The following WDFY4 variants were observed in gnomAD, a reference collection of about 807,000 sequenced individuals.
The protein encoded by WDFY4 is WDFY family member 4.
A neutral mutation model predicts 351.9 loss-of-function variants in WDFY4; 169 were observed. That is an observed-to-expected ratio of 0.48 (90% CI 0.42 to 0.55). The LOEUF (loss-of-function observed/expected upper bound fraction) is 0.55, where lower values mean the gene tolerates loss of function less well. WDFY4 is among the 20% of genes least tolerant of loss of function. The probability of loss-of-function intolerance (pLI) is 0.00; values close to 1 mark genes in which losing one functional copy is unlikely to be tolerated. For missense variants in WDFY4, 3,803 were observed against 3,935.6 expected (o/e 0.97, Z 0.90); for synonymous variants, 1,622 against 1,574.6 (o/e 1.03, Z -0.71).
chr10:48,913,102 G>C (rs116109383), intron 47 of WDFY4, among the ~76,000 whole-genome samples: 2 of 152,226 alleles, frequency 1.3e-5, no homozygotes, highest in Non-Finnish European at 2.9e-5. Flanking sequence ...AGACAAGAGA[G>C]ATCTGGGGGC....
intron 28 of WDFY4, among the ~76,000 whole-genome samples, chr10:48,809,046 G>A (rs927027161): frequency 6.6e-6 from 1 of 152,214 alleles, no homozygotes; most frequent in South Asian, 2.1e-4. Context: ...AAGATGAAAT[G>A]AATTAATATA....
In WDFY4 at chr10:48,957,270, G is replaced by A. The variant is rs201559690; in HGVS notation, c.8119G>A (p.Gly2707Arg). The change falls in exon 52 of 62, where the codon GGG (glycine) becomes AGG (arginine). Residue 2707 changes from glycine to arginine, a missense_variant. By Grantham distance (125) the Gly-to-Arg change is moderately radical. Coordinates refer to ENST00000325239, the MANE Select transcript of WDFY4 (RefSeq NM_001394531.1). Reference protein sequence around the residue: ...YLPEFLTNCNGVEFGCMQDGT... With the variant: ...YLPEFLTNCNRVEFGCMQDGT... ...GCCTGAGTTCTTAACCAACTGCAAC[G>A]GGGTAGAGTTCGGTAAGTGGAGGCC... 758 of 1,551,194 alleles carry A rather than the reference G, an allele frequency of 4.9e-4. 2 individuals carry two copies. The highest frequency in any genetic ancestry group is 6.7e-4 in the Middle Eastern group (4 of 5,988).
intron 11 of WDFY4, among the ~76,000 whole-genome samples, chr10:48,741,612 T>A (rs2064853360): frequency 6.6e-6 from 1 of 152,146 alleles, no homozygotes; most frequent in Non-Finnish European, 1.5e-5. Context: ...TTTCTCTTTT[T>A]CACTAACTTC....
At chr10:48,764,126 C>G (rs894894315) in intron 13 of WDFY4, among the ~76,000 whole-genome samples, 2 of 152,224 alleles carry the variant, frequency 1.3e-5, no homozygotes, top group South Asian at 4.1e-4. Context: ...CTTGCTCTCT[C>G]TCCTCTATGG....
intron 9 of WDFY4, among the ~76,000 whole-genome samples, chr10:48,731,821 C>T (rs547530747): frequency 1.1e-3 from 173 of 152,288 alleles, no homozygotes; most frequent in Middle Eastern, 6.8e-3. Context: ...TTGTCCTAGA[C>T]ATTGTGTGGG....
chr10:48,808,199 T>A (rs1385282281), intron 28 of WDFY4, among the ~76,000 whole-genome samples: 1 of 152,192 alleles, frequency 6.6e-6, no homozygotes, highest in Non-Finnish European at 1.5e-5. Flanking sequence ...ATAATTACAA[T>A]AAACTCCTTT....
At chr10:48,783,627 C>T (rs192035300) in intron 19 of WDFY4, among the ~76,000 whole-genome samples, 6 of 152,200 alleles carry the variant, frequency 3.9e-5, no homozygotes, top group African/African-American at 1.4e-4. Context: ...TAGCTACCCT[C>T]CTACTACTTT....
chr10:48,928,276 G>A (rs563278608), intron 47 of WDFY4, among the ~76,000 whole-genome samples: 5 of 151,928 alleles, frequency 3.3e-5, no homozygotes, highest in African/African-American at 4.8e-5. Context: ...CTGAACTCCT[G>A]TAAAGAGGAT....
intron 23 of WDFY4, among the ~76,000 whole-genome samples, chr10:48,793,267 C>T (rs1237766514): frequency 6.6e-6 from 1 of 152,202 alleles, no homozygotes; most frequent in Non-Finnish European, 1.5e-5. Flanking sequence ...GAGAGTCTCT[C>T]AGATACCTCC....
intron 11 of WDFY4, among the ~76,000 whole-genome samples, chr10:48,742,693 C>T (rs1319337348): frequency 6.6e-6 from 1 of 152,144 alleles, no homozygotes; most frequent in Non-Finnish European, 1.5e-5. Context: ...GTATGAGCTA[C>T]AGGACAGAAG....
At chr10:48,844,453 G>A (rs2068710978) in intron 39 of WDFY4, among the ~76,000 whole-genome samples, 2 of 152,176 alleles carry the variant, frequency 1.3e-5, no homozygotes, top group African/African-American at 4.8e-5. Context: ...GTAGCTGGGT[G>A]TGATGGCACA....
At chr10:48,744,919 T>C (rs1221140210) in intron 12 of WDFY4, among the ~76,000 whole-genome samples, 1 of 152,238 alleles carries the variant, frequency 6.6e-6, no homozygotes, top group Non-Finnish European at 1.5e-5. Context: ...TGTTTACCTG[T>C]GTCTTCCTTG....
chr10:48,817,305 T>C lies in WDFY4; in HGVS notation c.5401T>C (p.Phe1801Leu). ...AQTFPASVLQ[F>L]LSLVHRTYPQ... is the part of the protein sequence containing the mutation. ...GACCTTCCCGGCCAGCGTGCTGCAG[T>C]TCCTCAGCCTCGTCCACCGCACCTA... Residue 1801 changes from phenylalanine (F) to leucine (L), a missense_variant, in exon 32 of 62, where the codon TTC becomes CTC. Phe to Leu is a conservative substitution (Grantham distance 22, BLOSUM62 0). This residue lies in a region of WDFY4 where 3,054 missense variants were observed against 3,148.6 expected (regional missense o/e 0.97). Transcript: ENST00000325239. 1 of 1,551,724 alleles carries C rather than the reference T, an allele frequency of 6.4e-7. No individual in the cohort carries two copies. The highest frequency in any genetic ancestry group is 8.7e-7 in the Non-Finnish European group (1 of 1,146,996).
In WDFY4 at chr10:48,785,686, C is replaced by A. The variant is rs140505075; in HGVS notation, c.3577-953C>A. On this transcript the variant is annotated intron_variant, in intron 19 of 61. Coordinates refer to ENST00000325239, the MANE Select transcript of WDFY4 (RefSeq NM_001394531.1). Reference sequence around the variant, plus strand: ...TTCTGGGTTCTCTATTCTGTTCCATCGATCTATGTGGTTATCTTTATACCA... The same window carrying A: ...TTCTGGGTTCTCTATTCTGTTCCATAGATCTATGTGGTTATCTTTATACCA... 1.6e-3 allele frequency among the ~76,000 whole-genome samples: 250 copies of A among 152,234 alleles called. 1 individual carries two copies. The highest frequency in any genetic ancestry group is 5.6e-3 in the African/African-American group (234 of 41,548).
intron 39 of WDFY4, among the ~76,000 whole-genome samples, chr10:48,837,543 G>T (rs552250434): frequency 6.6e-6 from 1 of 152,170 alleles, no homozygotes; most frequent in African/African-American, 2.4e-5. Context: ...AGCTGGAGTA[G>T]TGAACAGCGA....
At position 48,947,247 on chromosome 10, in the gene WDFY4, A is replaced by G. The variant is rs368797686; in HGVS notation, c.7977+278A>G. Among the ~76,000 whole-genome samples, 28 of 152,364 alleles carry G rather than the reference A, an allele frequency of 1.8e-4. No individual in the cohort carries two copies. In the East Asian group the frequency reaches 2.7e-3, roughly 15 times the overall value. ...TGAGACATGAAAAAAATGATTTAAC[A>G]TAAATAAGATTTAGTGGAAAAAGAA... On this transcript the variant is annotated intron_variant, in intron 51 of 61. Coordinates refer to ENST00000325239, the MANE Select transcript of WDFY4 (RefSeq NM_001394531.1).
intron 57 of WDFY4, among the ~76,000 whole-genome samples, chr10:48,972,615 A>G (rs1842385681): frequency 6.6e-6 from 1 of 152,214 alleles, no homozygotes; most frequent in South Asian, 2.1e-4. Flanking sequence ...CTAGACAATT[A>G]AGTTGTTTCC....
At chr10:48,767,084 T>C (rs117175052) in intron 13 of WDFY4, among the ~76,000 whole-genome samples, 1 of 152,328 alleles carries the variant, frequency 6.6e-6, no homozygotes, top group East Asian at 1.9e-4. Context: ...CTTTTTATAA[T>C]CAGTGCATGA....
In WDFY4 at chr10:48,811,559, C is replaced by T. The variant is rs1194667425; in HGVS notation, c.5065C>T (p.Pro1689Ser). ...IVMDNLKSQS[P>S]LPEQSPCLLP... The stretch of plus-strand genomic sequence containing the variant: ...AATAGACAACCTGAAGAGCCAGTCA[C>T]CACTGCCTGAGCAAAGCCCATGCCT... Residue 1689 changes from proline (P) to serine (S), a missense_variant, in exon 30 of 62, where the codon CCA becomes TCA. Physicochemically the swap from Pro to Ser is moderately conservative, Grantham distance 74. Around this residue, in one of 3 missense-constraint regions of WDFY4, gnomAD observed 3,054 missense variants for 3,148.6 expected, o/e 0.97. Transcript: ENST00000325239. 1.3e-6 allele frequency: 2 copies of T among 1,552,316 alleles called. No individual in the cohort carries two copies. The highest frequency in any genetic ancestry group is 1.7e-6 in the Non-Finnish European group (2 of 1,147,124).
Sources: gnomAD v4.1 joint callset for allele counts (sites outside exome capture counted in the v4.1 genomes callset) on GRCh38, gnomAD v4.1.1 for gene constraint, gnomAD v4.1.1 regional missense constraint, MANE v1.5 for transcripts, NCBI Gene and HGNC (gene_info 2026-07-23, HGNC 2026-07-21) for gene names.